The following BSND variants were observed in gnomAD, a reference collection of about 807,000 sequenced individuals.
The protein encoded by BSND is barttin.
Under a neutral mutation model 18.8 loss-of-function variants are expected in BSND, and 13 were observed. That is an observed-to-expected ratio of 0.69 (90% CI 0.45 to 1.10). The LOEUF (loss-of-function observed/expected upper bound fraction) is 1.10, where lower values mean the gene tolerates loss of function less well. BSND is among the 50% of genes least tolerant of loss of function. The probability of loss-of-function intolerance (pLI) is 0.00; values close to 1 mark genes in which losing one functional copy is unlikely to be tolerated. For missense variants in BSND, 379 were observed against 416.7 expected (o/e 0.91, Z 0.79); for synonymous variants, 170 against 161.8 (o/e 1.05, Z -0.39).
rs1379327671 is a variant in BSND, at chr1:55,007,210, G to A, written c.486G>A (p.Val162=). 6.2e-7 allele frequency: 1 copy of A among 1,613,928 alleles called. No individual in the cohort carries two copies. The highest frequency in any genetic ancestry group is 8.5e-7 in the Non-Finnish European group (1 of 1,179,912). Residue 162 remains valine, a synonymous_variant, in exon 3 of 4, where the codon GTG becomes GTA. Transcript: ENST00000651561. ...GDVQAWMEAA[V]VIHKGSDESE... is the part of the protein sequence containing the mutation. Reference sequence around the variant, plus strand: ...TTCAGGCCTGGATGGAGGCTGCCGTGGTCATCCACAAGGGCTCAGACGAGA... The same window carrying A: ...TTCAGGCCTGGATGGAGGCTGCCGTAGTCATCCACAAGGGCTCAGACGAGA...
Position 54,998,986 on chromosome 1 carries a change from A to G in BSND, c.-201A>G, listed in dbSNP as rs771858661. 8.1e-6 allele frequency: 5 copies of G among 619,566 alleles called. No homozygotes were observed. The highest frequency in any genetic ancestry group is 3.9e-5 in the South Asian group (2 of 50,684). The allele number at this position is 619,566 out of a possible 1,614,324, so 38.4% of individuals were successfully genotyped here. ...AGGTGGCTGGGTGTGGGTCCGTTGA[A>G]GCGAGCCGCCTCCAGCCCTGTTGAA... is the stretch of plus-strand genomic sequence containing the variant. On this transcript the variant is annotated 5_prime_UTR_variant, in exon 1 of 4. Transcript: ENST00000651561.
At position 55,008,910 on chromosome 1, in the gene BSND, C is replaced by T. The variant is rs1044063367; in HGVS notation, c.*282C>T. 5 of 500,976 alleles carry T rather than the reference C, an allele frequency of 1.0e-5. No homozygotes were observed. Among genetic ancestry groups the T allele is most frequent in the African/African-American group, 3.9e-5 (2 of 51,622 alleles). 31.0% of individuals were successfully genotyped at this position (500,976 alleles called of 1,614,324 possible). On this transcript the variant is annotated 3_prime_UTR_variant, in exon 4 of 4. Coordinates refer to ENST00000651561, the MANE Select transcript of BSND (RefSeq NM_057176.3). ...CTCAAAAGCATTTTCCACCTTCCCC[C>T]AAAGCTGACCTCTGAGAGGAACCTT...
chr1:54,999,997 TG>T (rs2101644867), intron 1 of BSND, among the ~76,000 whole-genome samples: 1 of 152,324 alleles, frequency 6.6e-6, no homozygotes, highest in South Asian at 2.1e-4. Flanking sequence ...GGAAGAGCAC[TG>T]GTTTGGGAGT....
Position 54,999,109 on chromosome 1 carries a change from G to T in BSND, c.-78G>T, listed in dbSNP as rs575695982. 3 of 1,566,544 alleles carry T rather than the reference G, an allele frequency of 1.9e-6. No homozygotes were observed. In the African/African-American group the frequency reaches 4.1e-5, roughly 21 times the overall value. On this transcript the variant is annotated 5_prime_UTR_variant, in exon 1 of 4. Coordinates refer to ENST00000651561, the MANE Select transcript of BSND (RefSeq NM_057176.3). ...TTCAGTGTCTTCTCTCCCTGTGTAA[G>T]CCTGTCTCGGTGTTTAGGCTGAACT...
rs562034099 is a variant in BSND at position 55,014,626 on chromosome 1, C to T, written c.*5998C>T. 3.9e-5 allele frequency among the ~76,000 whole-genome samples: 6 copies of T among 152,300 alleles called. No individual in the cohort carries two copies. The highest frequency in any genetic ancestry group is 3.9e-4 in the East Asian group (2 of 5,178). On this transcript the variant is annotated 3_prime_UTR_variant, in exon 4 of 4. Coordinates refer to ENST00000651561, the MANE Select transcript of BSND (RefSeq NM_057176.3). The stretch of plus-strand genomic sequence containing the variant: ...CACATGTATAATTCGAGCTTTGTAT[C>T]GTCAGTGCTTCCAAGTGCCTGTCAA...
Position 55,017,060 on chromosome 1 carries a change from T to C in BSND, c.*8432T>C, listed in dbSNP as rs1644454733. Among the ~76,000 whole-genome samples, 1 of 152,212 alleles carries C rather than the reference T, an allele frequency of 6.6e-6. No homozygotes were observed. On this transcript the variant is annotated 3_prime_UTR_variant, in exon 4 of 4. Transcript: ENST00000651561. ...CTTTGATGAATTTCTATCTCCTTCA[T>C]TGGACGCTAAGCTCTGTGAAGGCAA...
chr1:55,008,663 G>T lies in BSND; in HGVS notation c.*35G>T, dbSNP rs773180691. 6.2e-7 allele frequency: 1 copy of T among 1,613,828 alleles called. No individual in the cohort carries two copies. Among genetic ancestry groups the T allele is most frequent in the Non-Finnish European group, 8.5e-7 (1 of 1,179,988 alleles). On this transcript the variant is annotated 3_prime_UTR_variant, in exon 4 of 4. Coordinates refer to ENST00000651561, the MANE Select transcript of BSND (RefSeq NM_057176.3). ...GCTCCGTAGCTTCTAGTCTGGAACT[G>T]CTGCTGACCCCTGTGTGACATCACA...
chr1:55,001,357 G>A (rs1297963426), intron 1 of BSND, among the ~76,000 whole-genome samples: 1 of 152,094 alleles, frequency 6.6e-6, no homozygotes, highest in Non-Finnish European at 1.5e-5. Context: ...GTGCAGGTGT[G>A]TGTGAGTGTG....
At position 55,008,424 on chromosome 1, in the gene BSND, C is replaced by T. The variant is rs1189621996; in HGVS notation, c.759C>T (p.Pro253=). 6.2e-7 allele frequency: 1 copy of T among 1,614,162 alleles called. No individual in the cohort carries two copies. Among genetic ancestry groups the T allele is most frequent in the Non-Finnish European group, 8.5e-7 (1 of 1,180,022 alleles). Residue 253 remains proline, a synonymous_variant, in exon 4 of 4, where the codon CCC becomes CCT. Coordinates refer to ENST00000651561, the MANE Select transcript of BSND (RefSeq NM_057176.3). The stretch of plus-strand genomic sequence containing the variant: ...ATGCCCCAACGTTGGAGGATGAGCC[C>T]CAAGAGGGGCAGCAGTGGGAAATAG... The part of the protein sequence containing the change: ...LIDAPTLEDE[P]QEGQQWEIAL...
Position 55,014,252 on chromosome 1 carries a change from T to G in BSND, c.*5624T>G, listed in dbSNP as rs1226758847. Among the ~76,000 whole-genome samples the G allele has an allele frequency of 1.3e-5, 2 of 152,232 alleles. No individual in the cohort carries two copies. Among genetic ancestry groups the G allele is most frequent in the Admixed American group, 1.3e-4 (2 of 15,284 alleles). On this transcript the variant is annotated 3_prime_UTR_variant, in exon 4 of 4. Coordinates refer to ENST00000651561, the MANE Select transcript of BSND (RefSeq NM_057176.3). ...AGGCTCATGGCCCAGGGGCATGGAC[T>G]CCTAGCCCAGGGCTGAGGAGCACCA...
chr1:55,006,067 G>A (rs1335523164), intron 2 of BSND, among the ~76,000 whole-genome samples: 1 of 152,246 alleles, frequency 6.6e-6, no homozygotes, highest in Non-Finnish European at 1.5e-5. Flanking sequence ...AGGAGGCCGG[G>A]CTTCAAGCCC....
At chr1:55,000,405 CT>C (rs777130810) in intron 1 of BSND, among the ~76,000 whole-genome samples, 41 of 150,894 alleles carry the variant, frequency 2.7e-4, no homozygotes, top group Non-Finnish European at 5.3e-4. Flanking sequence ...GCTCAAGCCC[CT>C]TTCCTCTCTG....
At chr1:55,006,921 G>A (rs1570273432) in intron 2 of BSND, 76 bp from the exon 3 acceptor site, 1 of 1,607,068 alleles carries the variant, frequency 6.2e-7, no homozygotes, top group East Asian at 2.2e-5. Context: ...CATACCCAAA[G>A]CAAACAGGGC....
rs1044825484 is a variant in BSND, at chr1:55,016,210, C to A, written c.*7582C>A. 2.6e-5 allele frequency among the ~76,000 whole-genome samples: 4 copies of A among 151,950 alleles called. No homozygotes were observed. The highest frequency in any genetic ancestry group is 7.3e-5 in the African/African-American group (3 of 41,336). ...ACATGTCTGAAAGAGGTTACAGTTC[C>A]TAACGGAGAGAGAGAGACAGATGGA... On this transcript the variant is annotated 3_prime_UTR_variant, in exon 4 of 4. Coordinates refer to ENST00000651561, the MANE Select transcript of BSND (RefSeq NM_057176.3).
rs1374807216 is a variant in BSND, at chr1:55,014,778, G to T, written c.*6150G>T. ...CATAAGCAAGCCTGGTGATTCTTAA[G>T]TGCTGAAGGGCTTAGTTGTTTGTTT... On this transcript the variant is annotated 3_prime_UTR_variant, in exon 4 of 4. Coordinates refer to ENST00000651561, the MANE Select transcript of BSND (RefSeq NM_057176.3). Among the ~76,000 whole-genome samples, 1 of 152,340 alleles carries T rather than the reference G, an allele frequency of 6.6e-6. No homozygotes were observed. Among genetic ancestry groups the T allele is most frequent in the East Asian group, 1.9e-4 (1 of 5,180 alleles).
intron 1 of BSND, 36 bp downstream of exon 1, chr1:54,999,399 C>T: frequency 3.2e-6 from 5 of 1,586,748 alleles, no homozygotes; most frequent in Non-Finnish European, 4.3e-6. Flanking sequence ...GCCAGGTCAG[C>T]TGGGGCCAGG....
Position 55,015,508 on chromosome 1 carries a change from C to T in BSND, c.*6880C>T, listed in dbSNP as rs1221325340. Among the ~76,000 whole-genome samples, 1 of 152,210 alleles carries T rather than the reference C, an allele frequency of 6.6e-6. No homozygotes were observed. Among genetic ancestry groups the T allele is most frequent in the East Asian group, 1.9e-4 (1 of 5,198 alleles). On this transcript the variant is annotated 3_prime_UTR_variant, in exon 4 of 4. Coordinates refer to ENST00000651561, the MANE Select transcript of BSND (RefSeq NM_057176.3). ...CCACTGGTGATTCTGCAGATAGTCC[C>T]TGCACATCCCGGAGAAGAGCAGACA...
intron 1 of BSND, among the ~76,000 whole-genome samples, chr1:55,000,011 T>C (rs948080077): frequency 8.5e-5 from 13 of 152,346 alleles, no homozygotes; most frequent in Non-Finnish European, 1.9e-4. Flanking sequence ...TTGGGAGTCC[T>C]GAGTTCTAGT....
rs368407641 is a variant in BSND, at chr1:55,012,904, C to G, written c.*4276C>G. On this transcript the variant is annotated 3_prime_UTR_variant, in exon 4 of 4. Coordinates refer to ENST00000651561, the MANE Select transcript of BSND (RefSeq NM_057176.3). ...TGTCAGACAGGTGTCAAACAGGGTT[C>G]CAGGCAGCTGCTGAGTGTCAGGTGC... Among the ~76,000 whole-genome samples, 11 of 152,268 alleles carry G rather than the reference C, an allele frequency of 7.2e-5. No individual in the cohort carries two copies. The East Asian group carries it at 7.7e-4, about 11-fold the overall frequency.
Sources: gnomAD v4.1 joint callset for allele counts (sites outside exome capture counted in the v4.1 genomes callset) on GRCh38, gnomAD v4.1.1 for gene constraint, MANE v1.5 for transcripts, NCBI Gene and HGNC (gene_info 2026-07-23, HGNC 2026-07-21) for gene names.